The following NPLOC4 variants were observed in gnomAD, a reference collection of about 807,000 sequenced individuals.
The protein encoded by NPLOC4 is NPL4 homolog, ubiquitin recognition factor, also known as nuclear protein localization protein 4 homolog.
NPLOC4 carries 18 observed loss-of-function variants against 80.6 expected under a neutral mutation model. The ratio of observed to expected loss-of-function variants is 0.22; its 90% confidence interval spans 0.15 to 0.33. NPLOC4 has a LOEUF of 0.33. NPLOC4 is among the 10% of genes least tolerant of loss of function. The probability of loss-of-function intolerance (pLI) is 1.00; values close to 1 mark genes in which losing one functional copy is unlikely to be tolerated. For missense variants in NPLOC4, 540 were observed against 786.1 expected (o/e 0.69, Z 3.74); for synonymous variants, 313 against 301.5 (o/e 1.04, Z -0.39).
intron 11 of NPLOC4, among the ~76,000 whole-genome samples, chr17:81,592,750 G>A (rs1228039846): frequency 6.6e-6 from 1 of 152,192 alleles, no homozygotes; most frequent in Non-Finnish European, 1.5e-5. Context: ...TTTTGAGGCC[G>A]AGACAGGCGG....
intron 8 of NPLOC4, among the ~76,000 whole-genome samples, chr17:81,604,275 C>CT (rs775769149): frequency 1.3e-5 from 2 of 152,028 alleles, no homozygotes; most frequent in Admixed American, 6.6e-5. Context: ...AATGAGCAAA[C>CT]CTGGACACAG....
At chr17:81,619,013 G>T (rs1281537812) in intron 3 of NPLOC4, among the ~76,000 whole-genome samples, 1 of 151,952 alleles carries the variant, frequency 6.6e-6, no homozygotes, top group African/African-American at 2.4e-5. Context: ...CAGCATGCTG[G>T]TTAAGAGTCA....
intron 12 of NPLOC4, among the ~76,000 whole-genome samples, chr17:81,578,488 A>G (rs1384844030): frequency 1.3e-5 from 2 of 152,204 alleles, no homozygotes; most frequent in Non-Finnish European, 1.5e-5. Context: ...TCTCACTGCT[A>G]TAATGAACTG....
In NPLOC4 at chr17:81,572,473, G is replaced by A. The variant is rs750360983; in HGVS notation, c.1282-385C>T. On this transcript the variant is annotated intron_variant, in intron 12 of 16. Transcript: ENST00000331134. This position sits in a 1 kb window ranked among gnomAD's most constrained non-coding sequence, Gnocchi z 4.5. Reference sequence around the variant, plus strand: ...CCCAAAGTGCTGGGATTACAGGCGTGAGCCACCGCGTCCGGCCTTCACTTT... The same window carrying A: ...CCCAAAGTGCTGGGATTACAGGCGTAAGCCACCGCGTCCGGCCTTCACTTT... Among the ~76,000 whole-genome samples the A allele has an allele frequency of 4.6e-5, 7 of 152,190 alleles. No homozygotes were observed. Among genetic ancestry groups the A allele is most frequent in the African/African-American group, 9.7e-5 (4 of 41,448 alleles).
In NPLOC4 at chr17:81,581,375, A is replaced by AAAAAAAAAAAAAAAAAAAAAAGTC. The variant is rs1555680405; in HGVS notation, c.1281+7568_1281+7569insGACTTTTTTTTTTTTTTTTTTTTT. ...AAAAAAAAAAAAAAAAAAAAAAAAAAAGTTAATAAAATCACCATGTCACAA... is the reference window on the plus strand; with the variant it reads ...AAAAAAAAAAAAAAAAAAAAAAAAAAAAAAAAAAAAAAAAAAAAAAAGTCAGTTAATAAAATCACCATGTCACAA... On this transcript the variant is annotated intron_variant, in intron 12 of 16. Coordinates refer to ENST00000331134, the MANE Select transcript of NPLOC4 (RefSeq NM_017921.4). Among the ~76,000 whole-genome samples, 13 of 72,858 alleles carry AAAAAAAAAAAAAAAAAAAAAAGTC rather than the reference A, an allele frequency of 1.8e-4. 3 individuals carry two copies. Among genetic ancestry groups the AAAAAAAAAAAAAAAAAAAAAAGTC allele is most frequent in the South Asian group, 4.2e-4 (1 of 2,400 alleles). The allele number at this position is 72,858 out of a possible 152,430, so 47.8% of individuals were successfully genotyped here.
chr17:81,585,149 G>A (rs1383049409), intron 12 of NPLOC4, among the ~76,000 whole-genome samples: 4 of 103,258 alleles, frequency 3.9e-5, no homozygotes, highest in Non-Finnish European at 6.9e-5. Flanking sequence ...CAGCCTGGGC[G>A]ACAGAACGAG....
In NPLOC4 at chr17:81,596,261, C is replaced by G; in HGVS notation, c.994-19G>C. ...AGGTGTCCTAAGACAAGAGAAGCAG[C>G]CTATCAAATTTTACAGCATCATGCC... On this transcript the variant is annotated intron_variant, in intron 10 of 16. Transcript: ENST00000331134. The G allele has an allele frequency of 6.3e-7, 1 of 1,592,610 alleles. No individual in the cohort carries two copies. The highest frequency in any genetic ancestry group is 1.1e-5 in the South Asian group (1 of 89,248).
chr17:81,636,207 G>C (rs544015064), intron 1 of NPLOC4, among the ~76,000 whole-genome samples: 2 of 152,246 alleles, frequency 1.3e-5, no homozygotes, highest in Admixed American at 1.3e-4. Context: ...CTGACCCCAG[G>C]TGATCCACCC....
intron 12 of NPLOC4, among the ~76,000 whole-genome samples, chr17:81,588,350 C>T (rs909816375): frequency 6.6e-6 from 1 of 152,214 alleles, no homozygotes; most frequent in Non-Finnish European, 1.5e-5. Context: ...ACATCTCCCA[C>T]GGTCTTCTCA....
intron 11 of NPLOC4, among the ~76,000 whole-genome samples, chr17:81,593,865 T>C (rs1181461665): frequency 1.3e-5 from 2 of 152,086 alleles, no homozygotes; most frequent in African/African-American, 2.4e-5. Context: ...ACAGCACCCT[T>C]CCCAGGGTGC....
intron 3 of NPLOC4, among the ~76,000 whole-genome samples, chr17:81,621,280 C>A (rs7405578): frequency 0.61 from 93,518 of 152,096 alleles, 30,818 homozygotes; most frequent in East Asian, 0.99. Context: ...GTGCCCAATA[C>A]ATCTTTGTTA....
intron 8 of NPLOC4, among the ~76,000 whole-genome samples, chr17:81,600,664 A>T (rs78524626): frequency 0.011 from 1,693 of 152,238 alleles, 48 homozygotes; most frequent in African/African-American, 0.039. Flanking sequence ...GGCCCAGCTG[A>T]TGTGTGCTGC....
chr17:81,560,237 G>A (rs2033807340), intron 16 of NPLOC4, among the ~76,000 whole-genome samples: 2 of 151,550 alleles, frequency 1.3e-5, no homozygotes, highest in Non-Finnish European at 1.5e-5. Flanking sequence ...GGCCAACATG[G>A]CGAAACCCGG....
intron 3 of NPLOC4, among the ~76,000 whole-genome samples, chr17:81,617,663 C>CCCCCGCCCCCT (rs199493378): frequency 2.2e-5 from 3 of 134,230 alleles, no homozygotes; most frequent in East Asian, 2.5e-4. Context: ...CAAAAAATGC[C>CCCCCGCCCCCT]CCCCCTCCCC....
At chr17:81,578,685 G>C (rs1795487697) in intron 12 of NPLOC4, among the ~76,000 whole-genome samples, 1 of 152,112 alleles carries the variant, frequency 6.6e-6, no homozygotes, top group African/African-American at 2.4e-5. Flanking sequence ...CACATCTTGT[G>C]AGAATGCACT....
chr17:81,585,201 T>C (rs976651714), intron 12 of NPLOC4, among the ~76,000 whole-genome samples: 4 of 126,948 alleles, frequency 3.2e-5, no homozygotes, highest in East Asian at 2.2e-4. Flanking sequence ...AAAAAGAGTA[T>C]GGTATTAGTT....
chr17:81,572,893 A>C lies in NPLOC4; in HGVS notation c.1282-805T>G, dbSNP rs1248238624. On this transcript the variant is annotated intron_variant, in intron 12 of 16. Transcript: ENST00000331134. This position sits in a 1 kb window ranked among gnomAD's most constrained non-coding sequence, Gnocchi z 4.5. ...CATTAATAAAATAAAGGCATGCACA[A>C]ATGAGCGCACACACAAATATGAAGA... Among the ~76,000 whole-genome samples, 1 of 152,206 alleles carries C rather than the reference A, an allele frequency of 6.6e-6. No individual in the cohort carries two copies. Among genetic ancestry groups the C allele is most frequent in the Non-Finnish European group, 1.5e-5 (1 of 68,038 alleles).
intron 16 of NPLOC4, chr17:81,565,079 G>A (rs1387879506): frequency 1.8e-6 from 1 of 567,586 alleles, no homozygotes; most frequent in Non-Finnish European, 3.1e-6. Context: ...GTGTCCACCA[G>A]CAACAACATG....
intron 2 of NPLOC4, 141 bp from the exon 3 acceptor site, chr17:81,622,419 G>T: frequency 2.9e-6 from 2 of 692,452 alleles, no homozygotes; most frequent in Non-Finnish European, 2.5e-6. Context: ...TTGCTATTTT[G>T]CTCTTTTAAA....
Sources: gnomAD v4.1 joint callset for allele counts (sites outside exome capture counted in the v4.1 genomes callset) on GRCh38, gnomAD v4.1.1 for gene constraint, Gnocchi (gnomAD v3.1) non-coding constraint, MANE v1.5 for transcripts, NCBI Gene and HGNC (gene_info 2026-07-23, HGNC 2026-07-21) for gene names.